Variants in CELSR1 observed in about 807,000 individuals in gnomAD.
CELSR1 encodes the protein adhesion G protein-coupled receptor C1.
CELSR1 carries 110 observed loss-of-function variants against 249.1 expected under a neutral mutation model. The observed-to-expected ratio is 0.44, with a 90% CI of 0.38 to 0.52. The LOEUF (loss-of-function observed/expected upper bound fraction) is 0.52, where lower values mean the gene tolerates loss of function less well. Among genes scored for constraint, CELSR1 ranks in the 20% least tolerant of loss-of-function variants. CELSR1 has a pLI of 0.00. For missense variants in CELSR1, 4,109 were observed against 4,296.4 expected, an observed-to-expected ratio of 0.96 and a Z score of 1.22; for synonymous variants, 2,113 against 1,900.0, an observed-to-expected ratio of 1.11 and a Z score of -2.92.
In CELSR1 at chr22:46,378,561, AG is replaced by A. The variant is rs755011965; in HGVS notation, c.7383+29del. ...GGGGCAGGTTTGGCGGTAGGCCCAG[AG>A]GGCACAGTGGCCACGGGAGGATGCC... On this transcript the variant is annotated intron_variant, in intron 23 of 34. Transcript: ENST00000674500. 1.4e-5 allele frequency: 22 copies of A among 1,544,026 alleles called. No homozygotes were observed. The East Asian group carries it at 4.6e-4, about 33-fold the overall frequency.
intron 18 of CELSR1, 92 bp from the exon 19 acceptor site, chr22:46,386,677 G>A: frequency 9.6e-7 from 1 of 1,037,080 alleles, no homozygotes; most frequent in Non-Finnish European, 1.4e-6. Context: ...TGCTTGCCTA[G>A]TGGGCTCATT....
chr22:46,389,068 G>A (rs993705458), intron 18 of CELSR1, among the ~76,000 whole-genome samples: 2 of 152,240 alleles, frequency 1.3e-5, no homozygotes, highest in Non-Finnish European at 2.9e-5. Context: ...CACCAGCAAG[G>A]CTGTGACCTG....
In CELSR1 at chr22:46,402,967, A is replaced by G. The variant is rs1474935877; in HGVS notation, c.5227-3065T>C. On this transcript the variant is annotated intron_variant, in intron 9 of 34. Transcript: ENST00000674500. This position sits in a 1 kb window ranked among gnomAD's most constrained non-coding sequence, Gnocchi z 5.0. ...AAAAGGATAGAAAAAAATACATCAT[A>G]TAAATACCAACCAAAAGACAAATGG... Among the ~76,000 whole-genome samples the G allele has an allele frequency of 6.6e-6, 1 of 152,254 alleles. No homozygotes were observed. The highest frequency in any genetic ancestry group is 2.4e-5 in the African/African-American group (1 of 41,460).
In CELSR1 at chr22:46,365,668, G is replaced by T; in HGVS notation, c.8322C>A (p.Leu2774=). The T allele has an allele frequency of 6.3e-7, 1 of 1,580,348 alleles. No homozygotes were observed. Among genetic ancestry groups the T allele is most frequent in the Non-Finnish European group, 8.6e-7 (1 of 1,163,396 alleles). The change falls in exon 31 of 35, where the codon CTC becomes CTA. Residue 2774 remains leucine, a synonymous_variant. Coordinates refer to ENST00000674500, the MANE Select transcript of CELSR1 (RefSeq NM_001378328.1). ...CCCTCACCAGCCCAGAGGACACGCC[G>T]AGCTTCTGGATCCCTTCATCCCTAG... ...SIVRDEGIQK[L]GVSSGLVRGS...
chr22:46,450,587 C>A (rs975304870), intron 2 of CELSR1, among the ~76,000 whole-genome samples: 5 of 152,180 alleles, frequency 3.3e-5, no homozygotes, highest in African/African-American at 1.2e-4. Flanking sequence ...TGGGTGGGAG[C>A]GGGAGTTAAG....
intron 5 of CELSR1, among the ~76,000 whole-genome samples, chr22:46,424,586 T>A (rs544791161): frequency 1.3e-5 from 2 of 152,176 alleles, no homozygotes; most frequent in Non-Finnish European, 2.9e-5. Context: ...ACCCTGCCTG[T>A]GTCCTATCAC....
chr22:46,464,663 C>G lies in CELSR1; in HGVS notation c.3545-318G>C, dbSNP rs1162715695. Reference sequence around the variant, plus strand: ...GAGGGCCCCAAGGTGCTCAGCAGGGCACCCTGACGACCACCAGGATTCAGC... The same window carrying G: ...GAGGGCCCCAAGGTGCTCAGCAGGGGACCCTGACGACCACCAGGATTCAGC... On this transcript the variant is annotated intron_variant, in intron 1 of 34. Transcript: ENST00000674500. The surrounding 1 kb of genome is among the most constrained non-coding windows in gnomAD (Gnocchi z 8.5). Among the ~76,000 whole-genome samples, 1 of 152,174 alleles carries G rather than the reference C, an allele frequency of 6.6e-6. No individual in the cohort carries two copies. The highest frequency in any genetic ancestry group is 1.5e-5 in the Non-Finnish European group (1 of 68,026).
In CELSR1 at chr22:46,396,842, CT is replaced by C; in HGVS notation, c.5702-97del. 4 of 1,486,284 alleles carry C rather than the reference CT, an allele frequency of 2.7e-6. No individual in the cohort carries two copies. The highest frequency in any genetic ancestry group is 2.7e-6 in the Non-Finnish European group (3 of 1,093,462). 92.1% of individuals were successfully genotyped at this position (1,486,284 alleles called of 1,614,324 possible). A position where few individuals can be genotyped will look rare whatever the true frequency, so the allele number is the denominator to read the frequency against. The stretch of plus-strand genomic sequence containing the variant: ...AACCTGTCCCCTCCAGAAGATCTGA[CT>C]TTCCCTGGTACTCAGCAGAGGGAAG... On this transcript the variant is annotated intron_variant, in intron 12 of 34. Coordinates refer to ENST00000674500, the MANE Select transcript of CELSR1 (RefSeq NM_001378328.1). The surrounding 1 kb of genome is among the most constrained non-coding windows in gnomAD (Gnocchi z 6.4).
At chr22:46,389,916 T>C (rs142669045) in intron 17 of CELSR1, among the ~76,000 whole-genome samples, 2,254 of 152,064 alleles carry the variant, frequency 0.015, 55 homozygotes, top group African/African-American at 0.051. Context: ...CGTGCCACTG[T>C]CCTCTAGCTT....
At chr22:46,503,298 G>A (rs892020155) in intron 1 of CELSR1, among the ~76,000 whole-genome samples, 1 of 152,218 alleles carries the variant, frequency 6.6e-6, no homozygotes, top group Non-Finnish European at 1.5e-5. Context: ...TGCTTCCAGC[G>A]ACCCTTTCAT....
At chr22:46,459,139 C>A (rs557017857) in intron 2 of CELSR1, among the ~76,000 whole-genome samples, 5 of 152,146 alleles carry the variant, frequency 3.3e-5, no homozygotes, top group Admixed American at 3.3e-4. Context: ...CCACGTGCCT[C>A]GGCCTCCCAA....
rs948273022 is a variant in CELSR1, at chr22:46,428,739, G to A, written c.4611+4654C>T. ...ACCGCCTCCCACATCTGCTTCATGCGGGATCTCCCAGCAGCTCTGGGCCTC... is the reference window on the plus strand; with the variant it reads ...ACCGCCTCCCACATCTGCTTCATGCAGGATCTCCCAGCAGCTCTGGGCCTC... On this transcript the variant is annotated intron_variant, in intron 5 of 34. Transcript: ENST00000674500. This position sits in a 1 kb window ranked among gnomAD's most constrained non-coding sequence, Gnocchi z 5.7. Among the ~76,000 whole-genome samples the A allele has an allele frequency of 6.6e-6, 1 of 152,182 alleles. No individual in the cohort carries two copies. The highest frequency in any genetic ancestry group is 1.5e-5 in the Non-Finnish European group (1 of 68,030).
rs1243401953 is a variant in CELSR1, at chr22:46,506,254, T to C, written c.3544+27373A>G. On this transcript the variant is annotated intron_variant, in intron 1 of 34. Transcript: ENST00000674500. The surrounding 1 kb of genome is among the most constrained non-coding windows in gnomAD (Gnocchi z 4.1). ...TACTGACGGATTGCTGGGTTCTGGA[T>C]GGACATGCAGAGCACCCGCCATGAT... 2.0e-5 allele frequency among the ~76,000 whole-genome samples: 3 copies of C among 151,728 alleles called. No homozygotes were observed. Among genetic ancestry groups the C allele is most frequent in the Non-Finnish European group, 4.4e-5 (3 of 67,960 alleles).
intron 18 of CELSR1, 27 bp downstream of exon 18, chr22:46,389,263 G>A (rs372338227): frequency 1.1e-5 from 18 of 1,599,384 alleles, no homozygotes; most frequent in African/African-American, 8.0e-5. Flanking sequence ...GAGTGTCCCC[G>A]AGCCAGGGTG....
At position 46,527,871 on chromosome 22, in the gene CELSR1, G is replaced by A. The variant is rs573726487; in HGVS notation, c.3544+5756C>T. Among the ~76,000 whole-genome samples the A allele has an allele frequency of 7.2e-5, 11 of 152,280 alleles. No individual in the cohort carries two copies. The highest frequency in any genetic ancestry group is 2.1e-4 in the South Asian group (1 of 4,828). On this transcript the variant is annotated intron_variant, in intron 1 of 34. Transcript: ENST00000674500. The surrounding 1 kb of genome is among the most constrained non-coding windows in gnomAD (Gnocchi z 5.5). ...AGCATTTTGGGAGGCTGAGGCGGGCGGATAGCCTGAGGTCAGGAGTTGGAG... is the reference window on the plus strand; with the variant it reads ...AGCATTTTGGGAGGCTGAGGCGGGCAGATAGCCTGAGGTCAGGAGTTGGAG...
chr22:46,507,179 T>A (rs1602223557), intron 1 of CELSR1, among the ~76,000 whole-genome samples: 1 of 151,938 alleles, frequency 6.6e-6, no homozygotes, highest in African/African-American at 2.4e-5. Flanking sequence ...AGAGTGAAAC[T>A]CTGTCTAAAA....
Position 46,380,664 on chromosome 22 carries a change from T to G in CELSR1, c.7256+124A>C. ...AGGCTCACTGCCCCCACGGGGGACT[T>G]AAAGGGGAAACACAGACCACAAGAG... On this transcript the variant is annotated intron_variant, in intron 22 of 34. Coordinates refer to ENST00000674500, the MANE Select transcript of CELSR1 (RefSeq NM_001378328.1). This position sits in a 1 kb window ranked among gnomAD's most constrained non-coding sequence, Gnocchi z 5.1. The G allele has an allele frequency of 2.6e-6, 3 of 1,155,744 alleles. No individual in the cohort carries two copies. Among genetic ancestry groups the G allele is most frequent in the Non-Finnish European group, 3.7e-6 (3 of 819,476 alleles). The allele number at this position is 1,155,744 out of a possible 1,614,324, so 71.6% of individuals were successfully genotyped here.
chr22:46,523,145 C>T (rs1404303993), intron 1 of CELSR1, among the ~76,000 whole-genome samples: 1 of 152,150 alleles, frequency 6.6e-6, no homozygotes, highest in African/African-American at 2.4e-5. Context: ...TTTACTTTAA[C>T]CAAGTGTCAT....
rs1015216940 is a variant in CELSR1, at chr22:46,393,127, G to T, written c.5964+1015C>A. Among the ~76,000 whole-genome samples the T allele has an allele frequency of 6.6e-6, 1 of 152,112 alleles. No individual in the cohort carries two copies. Among genetic ancestry groups the T allele is most frequent in the Non-Finnish European group, 1.5e-5 (1 of 67,980 alleles). On this transcript the variant is annotated intron_variant, in intron 14 of 34. Transcript: ENST00000674500. The surrounding 1 kb of genome is among the most constrained non-coding windows in gnomAD (Gnocchi z 4.1). The stretch of plus-strand genomic sequence containing the variant: ...ACCAGCTTCCCTCCTAGGGCCAGCC[G>T]CATCTGCAGGAAGCTCACGTCCCTC...
Sources: allele counts gnomAD v4.1 joint callset (sites outside exome capture counted in the v4.1 genomes callset), GRCh38; gene constraint gnomAD v4.1.1; non-coding constraint Gnocchi (gnomAD v3.1); transcripts MANE v1.5; gene names NCBI Gene and HGNC (gene_info 2026-07-23, HGNC 2026-07-21).